Variants in ATP10B observed in about 807,000 individuals in gnomAD.
ATP10B encodes the protein phospholipid-transporting ATPase VB.
In ATP10B, 122 loss-of-function variants were observed where a neutral mutation model predicts 141.2. The observed-to-expected ratio is 0.86, with a 90% CI of 0.75 to 1.00. The LOEUF (loss-of-function observed/expected upper bound fraction) is 1.00. Ranked by LOEUF, ATP10B falls within the 50% of genes least tolerant of loss-of-function variation. The pLI is 0.00. For missense variants in ATP10B, 1,876 were observed against 1,825.3 expected (o/e 1.03, Z -0.51); for synonymous variants, 685 against 692.0 (o/e 0.99, Z 0.16).
rs1346076606 is a variant in ATP10B, at chr5:160,564,078, T to G, written c.*1375A>C. On this transcript the variant is annotated 3_prime_UTR_variant, in exon 26 of 26. Transcript: ENST00000327245. Reference sequence around the variant, plus strand: ...TTTCTGGCATCTTTGCTGAGGAGGTTCTCAAGTGATAGGTCAACTTATGGC... The same window carrying G: ...TTTCTGGCATCTTTGCTGAGGAGGTGCTCAAGTGATAGGTCAACTTATGGC... 6.6e-6 allele frequency: 1 copy of G among 152,266 alleles called. No homozygotes were observed. Among genetic ancestry groups the G allele is most frequent in the Non-Finnish European group, 1.5e-5 (1 of 68,062 alleles). 9.4% of individuals were successfully genotyped at this position (152,266 alleles called of 1,614,324 possible).
chr5:160,845,580 CA>C (rs1216862466), intron 1 of ATP10B, among the ~76,000 whole-genome samples: 1 of 151,974 alleles, frequency 6.6e-6, no homozygotes, highest in Non-Finnish European at 1.5e-5. Flanking sequence ...CATAAATGAA[CA>C]AAAAGTTTTT....
the ATP10B span, among the ~76,000 whole-genome samples, chr5:160,876,848 C>A: frequency 6.7e-6 from 1 of 148,728 alleles, no homozygotes; most frequent in South Asian, 2.2e-4. Flanking sequence ...GAAGTTGAAT[C>A]TCTGAATAGA....
chr5:160,766,375 C>CAT (rs1230234451), intron 2 of ATP10B, among the ~76,000 whole-genome samples: 9 of 123,374 alleles, frequency 7.3e-5, no homozygotes, highest in African/African-American at 2.7e-4. Flanking sequence ...CACACACACA[C>CAT]ACACACACAG....
At chr5:160,643,835 TAAG>T (rs1045086077) in intron 9 of ATP10B, among the ~76,000 whole-genome samples, 2 of 152,160 alleles carry the variant, frequency 1.3e-5, no homozygotes, top group Non-Finnish European at 2.9e-5. Flanking sequence ...TCCACAGGCT[TAAG>T]AAGATACACT....
At chr5:160,601,457 T>C (rs1355460298) in intron 21 of ATP10B, among the ~76,000 whole-genome samples, 1 of 152,182 alleles carries the variant, frequency 6.6e-6, no homozygotes, top group South Asian at 2.1e-4. Context: ...AAAAACTCTT[T>C]TGTTCCCTCC....
At chr5:160,588,431 G>A (rs1395244909) in intron 24 of ATP10B, among the ~76,000 whole-genome samples, 2 of 152,146 alleles carry the variant, frequency 1.3e-5, no homozygotes, top group African/African-American at 4.8e-5. Context: ...ATTGCAGAAT[G>A]TAGGAACATG....
At chr5:160,648,386 A>G (rs962281841) in intron 8 of ATP10B, among the ~76,000 whole-genome samples, 1 of 152,138 alleles carries the variant, frequency 6.6e-6, no homozygotes, top group African/African-American at 2.4e-5. Flanking sequence ...TGTGTGGCCC[A>G]AGACAATTCT....
At chr5:160,870,204 G>A in the ATP10B span, among the ~76,000 whole-genome samples, 3 of 152,246 alleles carry the variant, frequency 2.0e-5, no homozygotes, top group East Asian at 3.9e-4. Context: ...CACTTGTGAA[G>A]TTCACAGTCA....
At chr5:160,786,875 G>A (rs1406595963) in intron 1 of ATP10B, among the ~76,000 whole-genome samples, 3 of 151,990 alleles carry the variant, frequency 2.0e-5, no homozygotes, top group African/African-American at 7.2e-5. Context: ...CACTCTCCAG[G>A]GGACAGCTGA....
At chr5:160,829,892 C>T (rs2127975137) in intron 1 of ATP10B, among the ~76,000 whole-genome samples, 1 of 152,206 alleles carries the variant, frequency 6.6e-6, no homozygotes, top group East Asian at 1.9e-4. Flanking sequence ...ATGATATTGT[C>T]AGCAAATAGA....
intron 7 of ATP10B, among the ~76,000 whole-genome samples, chr5:160,651,419 T>A (rs1272045119): frequency 6.6e-6 from 1 of 152,136 alleles, no homozygotes; most frequent in Non-Finnish European, 1.5e-5. Context: ...CATTGACTAA[T>A]CCTACGTTCA....
the ATP10B span, among the ~76,000 whole-genome samples, chr5:160,902,832 T>C: frequency 1.3e-5 from 2 of 152,186 alleles, no homozygotes; most frequent in African/African-American, 4.8e-5. Context: ...GATTAGTAAG[T>C]GATAGAGAAA....
chr5:160,926,764 G>A, the ATP10B span, among the ~76,000 whole-genome samples: 2 of 152,182 alleles, frequency 1.3e-5, no homozygotes, highest in African/African-American at 4.8e-5. Flanking sequence ...AAGCGTGTAA[G>A]TTGATTCTTG....
the ATP10B span, among the ~76,000 whole-genome samples, chr5:160,889,011 T>TG: frequency 3.9e-5 from 6 of 152,176 alleles, no homozygotes; most frequent in South Asian, 8.3e-4. Context: ...AAATCTACTG[T>TG]GGGGAAAAAA....
In ATP10B at chr5:160,634,324, G is replaced by A. The variant is rs1008829518; in HGVS notation, c.1381+30C>T. 3 of 1,614,092 alleles carry A rather than the reference G, an allele frequency of 1.9e-6. No homozygotes were observed. In the South Asian group the frequency reaches 3.3e-5, roughly 18 times the overall value. On this transcript the variant is annotated intron_variant, in intron 12 of 25. Coordinates refer to ENST00000327245, the MANE Select transcript of ATP10B (RefSeq NM_025153.3). ...AGAGCAGGGTATTTCCTTTTAGAAAGAGGGATGGAGCCCTTGGGAGCTTCT... is the reference window on the plus strand; with the variant it reads ...AGAGCAGGGTATTTCCTTTTAGAAAAAGGGATGGAGCCCTTGGGAGCTTCT...
chr5:160,891,436 C>A, the ATP10B span, among the ~76,000 whole-genome samples: 1 of 152,104 alleles, frequency 6.6e-6, no homozygotes, highest in African/African-American at 2.4e-5. Context: ...CAGTAAGCTC[C>A]ATGGAGGAAA....
chr5:160,688,160 TCC>T, intron 4 of ATP10B, 66 bp from the exon 5 acceptor site: 1 of 1,500,672 alleles, frequency 6.7e-7, no homozygotes, highest in Non-Finnish European at 9.0e-7. Flanking sequence ...TGTTCATTTC[TCC>T]CCCATCCATG....
At chr5:160,645,806 GTTATAAGCCTTTT>G (rs2127682445) in intron 8 of ATP10B, among the ~76,000 whole-genome samples, 1 of 152,282 alleles carries the variant, frequency 6.6e-6, no homozygotes, top group African/African-American at 2.4e-5. Flanking sequence ...GCTAAGTCCA[GTTATAAGCCTTTT>G]TCACTGAAGC....
intron 1 of ATP10B, among the ~76,000 whole-genome samples, chr5:160,818,019 A>C (rs1458909279): frequency 6.6e-6 from 1 of 152,216 alleles, no homozygotes; most frequent in Non-Finnish European, 1.5e-5. Context: ...TAAAGACTTA[A>C]ATGTTAGACT....
Sources: gnomAD v4.1 joint callset for allele counts (sites outside exome capture counted in the v4.1 genomes callset) on GRCh38, gnomAD v4.1.1 for gene constraint, MANE v1.5 for transcripts, NCBI Gene and HGNC (gene_info 2026-07-23, HGNC 2026-07-21) for gene names.